Variants in PPM1H observed in about 807,000 individuals in gnomAD.
PPM1H encodes protein phosphatase 1H.
A neutral mutation model predicts 54.9 loss-of-function variants in PPM1H; 27 were observed. That is an observed-to-expected ratio of 0.49 (90% CI 0.36 to 0.68). The LOEUF is 0.68. Ranked by LOEUF, PPM1H falls within the 30% of genes least tolerant of loss-of-function variation. The pLI is 0.00. For synonymous variants in PPM1H, 305 were observed against 270.8 expected, an observed-to-expected ratio of 1.13 and a Z score of -1.24; for missense variants, 596 against 667.8, an observed-to-expected ratio of 0.89 and a Z score of 1.19.
intron 4 of PPM1H, among the ~76,000 whole-genome samples, chr12:62,759,568 C>A (rs1256205561): frequency 6.6e-6 from 1 of 152,236 alleles, no homozygotes; most frequent in Non-Finnish European, 1.5e-5. Context: ...GGTGATTAAT[C>A]ATTGCGGGGA....
At chr12:62,906,371 C>T (rs962086186) in intron 1 of PPM1H, among the ~76,000 whole-genome samples, 4 of 152,178 alleles carry the variant, frequency 2.6e-5, no homozygotes, top group Non-Finnish European at 5.9e-5. Context: ...ATCACTGGAT[C>T]TTTGTGTGCT....
intron 4 of PPM1H, among the ~76,000 whole-genome samples, chr12:62,779,871 A>G (rs2076631412): frequency 6.6e-6 from 1 of 152,234 alleles, no homozygotes. Flanking sequence ...GTGGCTGAGA[A>G]ACTTTAGCTC....
chr12:62,829,362 G>A (rs1005436674), intron 2 of PPM1H, among the ~76,000 whole-genome samples: 7 of 152,320 alleles, frequency 4.6e-5, no homozygotes, highest in African/African-American at 1.7e-4. Flanking sequence ...AAAGAATGGA[G>A]AGTTAGTGTT....
At chr12:62,682,841 A>C (rs1337291055) in intron 8 of PPM1H, among the ~76,000 whole-genome samples, 1 of 148,786 alleles carries the variant, frequency 6.7e-6, no homozygotes, top group East Asian at 2.1e-4. Flanking sequence ...GGGTGGTGGG[A>C]AACAGGGTCT....
chr12:62,699,179 CTTTTTAT>C (rs2076130351), intron 6 of PPM1H, among the ~76,000 whole-genome samples: 1 of 152,038 alleles, frequency 6.6e-6, no homozygotes, highest in Non-Finnish European at 1.5e-5. Context: ...TATCAATTTC[CTTTTTAT>C]TTTTTATTTT....
At chr12:62,662,258 G>T (rs994490764) in intron 9 of PPM1H, among the ~76,000 whole-genome samples, 8 of 152,292 alleles carry the variant, frequency 5.3e-5, no homozygotes, top group African/African-American at 1.4e-4. Flanking sequence ...GCTTTGCAAA[G>T]CTTTATAAAA....
intron 7 of PPM1H, among the ~76,000 whole-genome samples, chr12:62,693,360 A>G (rs191283557): frequency 2.6e-5 from 4 of 152,284 alleles, no homozygotes; most frequent in Admixed American, 2.6e-4. Flanking sequence ...GGTTGCTGTG[A>G]CCTTATAGTC....
intron 8 of PPM1H, among the ~76,000 whole-genome samples, chr12:62,686,181 G>T (rs932285203): frequency 1.3e-5 from 2 of 152,212 alleles, no homozygotes; most frequent in African/African-American, 4.8e-5. Flanking sequence ...ACTCTTCCAT[G>T]CAGGCCCAAG....
At chr12:62,928,864 C>T (rs529353671) in intron 1 of PPM1H, among the ~76,000 whole-genome samples, 113 of 152,306 alleles carry the variant, frequency 7.4e-4, no homozygotes, top group Non-Finnish European at 1.1e-3. Flanking sequence ...CAGCTGTCAA[C>T]GTGGTATTGA....
At chr12:62,716,128 G>A (rs556952591) in intron 6 of PPM1H, among the ~76,000 whole-genome samples, 1 of 152,294 alleles carries the variant, frequency 6.6e-6, no homozygotes, top group South Asian at 2.1e-4. Context: ...CAGAAGCTGA[G>A]CAAACCACCT....
At chr12:62,704,884 A>C (rs2076164507) in intron 6 of PPM1H, among the ~76,000 whole-genome samples, 2 of 152,120 alleles carry the variant, frequency 1.3e-5, no homozygotes, top group Non-Finnish European at 2.9e-5. Flanking sequence ...CTACCTCCCC[A>C]CTTCTCCCTA....
intron 9 of PPM1H, chr12:62,658,779 A>T (rs11174587): frequency 0.14 from 60,308 of 434,422 alleles, 4,647 homozygotes; most frequent in Middle Eastern, 0.23. Context: ...ACTGTGATAG[A>T]AAAGAAAGAA....
At chr12:62,711,437 A>T (rs895270846) in intron 6 of PPM1H, among the ~76,000 whole-genome samples, 2 of 152,208 alleles carry the variant, frequency 1.3e-5, no homozygotes, top group South Asian at 2.1e-4. Flanking sequence ...ACTGTGTAGT[A>T]GGTGTACAAT....
intron 2 of PPM1H, among the ~76,000 whole-genome samples, chr12:62,831,322 A>T (rs1306761626): frequency 6.6e-6 from 1 of 152,150 alleles, no homozygotes; most frequent in Non-Finnish European, 1.5e-5. Context: ...TCTAAAGCAC[A>T]TCATCTGCTG....
At chr12:62,829,891 G>A (rs1186418979) in intron 2 of PPM1H, among the ~76,000 whole-genome samples, 1 of 152,218 alleles carries the variant, frequency 6.6e-6, no homozygotes, top group Non-Finnish European at 1.5e-5. Flanking sequence ...TATCCCAGGG[G>A]CAGGGGGAAA....
In PPM1H at chr12:62,802,095, C is replaced by A; in HGVS notation, c.477G>T (p.Ala159=). The A allele has an allele frequency of 6.2e-7, 1 of 1,609,528 alleles. No individual in the cohort carries two copies. The highest frequency in any genetic ancestry group is 8.5e-7 in the Non-Finnish European group (1 of 1,177,752). The change falls in exon 3 of 10, where the codon GCG becomes GCT. Residue 159 remains alanine (A), a synonymous_variant. Transcript: ENST00000228705. ...GCTGCAGCAGGCGTGACGCCACCAC[C>A]GCGGCCCCGGACCCCGCGTGCCCGT... ...LFDGHAGSGA[A]VVASRLLQHH...
intron 1 of PPM1H, among the ~76,000 whole-genome samples, chr12:62,924,234 C>G (rs79658533): frequency 1.9e-3 from 287 of 152,234 alleles, no homozygotes; most frequent in Middle Eastern, 0.01. Flanking sequence ...GTAGCCAACT[C>G]GACAACTGTA....
intron 1 of PPM1H, chr12:62,933,836 A>G (rs1872229820): frequency 6.6e-6 from 1 of 152,192 alleles, no homozygotes; most frequent in Non-Finnish European, 1.5e-5. Context: ...CCAAAATGTT[A>G]TATTAGACAG....
intron 4 of PPM1H, among the ~76,000 whole-genome samples, chr12:62,742,929 T>C (rs1009570847): frequency 1.3e-5 from 2 of 152,244 alleles, no homozygotes; most frequent in Admixed American, 6.5e-5. Flanking sequence ...CTGAAATTTA[T>C]ATGACATTAA....
Sources: allele counts gnomAD v4.1 joint callset (sites outside exome capture counted in the v4.1 genomes callset), GRCh38; gene constraint gnomAD v4.1.1; transcripts MANE v1.5; gene names NCBI Gene and HGNC (gene_info 2026-07-23, HGNC 2026-07-21).